Variants in LUC7L2 observed in about 807,000 individuals in gnomAD.
The protein encoded by LUC7L2 is LUC7 like 2, pre-mRNA splicing factor.
LUC7L2 carries 25 observed loss-of-function variants against 52.8 expected under a neutral mutation model. That is an observed-to-expected ratio of 0.47 (90% CI 0.34 to 0.66). The LOEUF is 0.66. LUC7L2 is among the 30% of genes least tolerant of loss of function. The probability of loss-of-function intolerance (pLI) is 0.01; values close to 1 mark genes in which losing one functional copy is unlikely to be tolerated. For missense variants in LUC7L2, 328 were observed against 497.8 expected (o/e 0.66, Z 3.25); for synonymous variants, 144 against 160.9 (o/e 0.89, Z 0.80).
Position 139,417,656 on chromosome 7 carries a change from C to A in LUC7L2, c.928C>A (p.Arg310Ser). The A allele has an allele frequency of 2.5e-6, 4 of 1,613,928 alleles. 1 individual carries two copies. The highest frequency in any genetic ancestry group is 3.4e-6 in the Non-Finnish European group (4 of 1,179,918). ...RHRHRSRSSS[R>S]SRSRSHQRSR... ...TCGCCACAGGTCCCGCTCCAGCAGC[C>A]GTAGCCGCAGCCGTAGCCACCAGAG... is the stretch of plus-strand genomic sequence containing the variant. The change falls in exon 9 of 10, where the codon CGT becomes AGT. Residue 310 changes from arginine to serine, a missense_variant. Transcript: ENST00000354926.
rs759342353 is a variant in LUC7L2 at position 139,417,650 on chromosome 7, AGCAGCCGTAGCC to A, written c.935_946del (p.Arg312_Ser315del). On this transcript the variant is annotated inframe_deletion, in exon 9 of 10. Transcript: ENST00000354926. ...ACGCCATCGCCACAGGTCCCGCTCC[AGCAGCCGTAGCC>A]GCAGCCGTAGCCACCAGAGAAGTCG... 4.1e-5 allele frequency: 66 copies of A among 1,614,102 alleles called. No homozygotes were observed. The highest frequency in any genetic ancestry group is 6.7e-5 in the African/African-American group (5 of 74,948).
chr7:139,361,347 G>A (rs1317170046), intron 1 of LUC7L2, among the ~76,000 whole-genome samples: 1 of 152,214 alleles, frequency 6.6e-6, no homozygotes, highest in East Asian at 1.9e-4. Context: ...TTTTTTTCTT[G>A]AGAAGTTATT....
upstream of LUC7L2, chr7:139,359,871 G>C (rs553755071): frequency 6.8e-5 from 28 of 409,256 alleles, no homozygotes; most frequent in Admixed American, 8.3e-4. Context: ...CGCGGGAAAC[G>C]ACTGAGCGCG....
At chr7:139,340,564 A>C in intron 1 of LUC7L2, 1 of 397,960 alleles carries the variant, frequency 2.5e-6, no homozygotes, top group Non-Finnish European at 4.4e-6. Context: ...TCTAACTACA[A>C]CTCCCAGCAT....
At chr7:139,380,420 A>G (rs1800949589) in intron 2 of LUC7L2, among the ~76,000 whole-genome samples, 1 of 151,888 alleles carries the variant, frequency 6.6e-6, no homozygotes, top group Non-Finnish European at 1.5e-5. Flanking sequence ...CAACATGTTG[A>G]AATCCTGTCT....
chr7:139,413,223 A>T (rs927953858), intron 8 of LUC7L2, among the ~76,000 whole-genome samples: 1 of 152,096 alleles, frequency 6.6e-6, no homozygotes, highest in African/African-American at 2.4e-5. Flanking sequence ...TTGCTGATAC[A>T]TTTTTTTGTC....
intron 4 of LUC7L2, among the ~76,000 whole-genome samples, chr7:139,403,821 C>T (rs1795013415): frequency 6.6e-6 from 1 of 152,216 alleles, no homozygotes; most frequent in Non-Finnish European, 1.5e-5. Context: ...GGATGCAGAG[C>T]CATGCCCAGC....
chr7:139,407,001 G>GTTTTTTT (rs58914782), intron 5 of LUC7L2, among the ~76,000 whole-genome samples, 173 bp from the exon 6 acceptor site: 14 of 110,438 alleles, frequency 1.3e-4, no homozygotes, highest in African/African-American at 2.4e-4. Flanking sequence ...TGCTTTTGTG[G>GTTTTTTT]TTTTTTTTTT....
chr7:139,389,774 T>G (rs924067080), intron 2 of LUC7L2, among the ~76,000 whole-genome samples: 3 of 152,188 alleles, frequency 2.0e-5, no homozygotes, highest in African/African-American at 7.2e-5. Flanking sequence ...GTTACAATGA[T>G]CAAGAAAGAC....
Position 139,360,319 on chromosome 7 carries a change from G to A in LUC7L2, c.58G>A (p.Asp20Asn), listed in dbSNP as rs1371357440. The change falls in exon 1 of 10, where the codon GAC becomes AAC. Residue 20 changes from aspartate to asparagine, a missense_variant. Asp to Asn is a conservative substitution (Grantham distance 23). Coordinates refer to ENST00000354926, the MANE Select transcript of LUC7L2 (RefSeq NM_016019.5). The stretch of plus-strand genomic sequence containing the variant: ...GGACCAGTTGATGGGCACCTCCCGG[G>A]ACGGTAAGTCTCTGCCAGGGCCCTG... ...MLDQLMGTSR[D>N]GDTTRQRIKF... The A allele has an allele frequency of 1.0e-5, 16 of 1,567,592 alleles. No individual in the cohort carries two copies. The highest frequency in any genetic ancestry group is 1.4e-5 in the Non-Finnish European group (16 of 1,157,150).
intron 4 of LUC7L2, among the ~76,000 whole-genome samples, chr7:139,404,490 C>A (rs985863324): frequency 6.6e-6 from 1 of 152,176 alleles, no homozygotes; most frequent in East Asian, 1.9e-4. Flanking sequence ...GCCTGGGCGA[C>A]AGAGCAAGAC....
At chr7:139,341,832 G>T (rs1294739696) in intron 1 of LUC7L2, among the ~76,000 whole-genome samples, 1 of 152,210 alleles carries the variant, frequency 6.6e-6, no homozygotes, top group African/African-American at 2.4e-5. Context: ...TCAGGAAAGT[G>T]GAATGGAGGA....
chr7:139,374,321 T>G, intron 1 of LUC7L2: 1 of 1,024,218 alleles, frequency 9.8e-7, no homozygotes, highest in Non-Finnish European at 1.5e-6. Flanking sequence ...AACATGTACT[T>G]CTAGATGCTG....
chr7:139,363,896 A>C (rs1008286816), intron 1 of LUC7L2, among the ~76,000 whole-genome samples: 1 of 151,696 alleles, frequency 6.6e-6, no homozygotes, highest in Non-Finnish European at 1.5e-5. Context: ...ATAAGTCTCT[A>C]GTCTTGATCC....
chr7:139,403,560 T>C (rs1795003507), intron 4 of LUC7L2, among the ~76,000 whole-genome samples: 2 of 152,170 alleles, frequency 1.3e-5, no homozygotes, highest in South Asian at 4.1e-4. Context: ...ACGGGCATCC[T>C]GAAGTACAAA....
At chr7:139,386,563 C>T (rs1794204353) in intron 2 of LUC7L2, among the ~76,000 whole-genome samples, 1 of 149,968 alleles carries the variant, frequency 6.7e-6, no homozygotes, top group African/African-American at 2.5e-5. Context: ...TGCCACCACA[C>T]CTGGCTAATT....
Position 139,422,321 on chromosome 7 carries a change from G to A in LUC7L2, c.1160G>A (p.Arg387His), listed in dbSNP as rs376180116. 8.6e-5 allele frequency: 139 copies of A among 1,612,314 alleles called. No individual in the cohort carries two copies. Among genetic ancestry groups the A allele is most frequent in the Admixed American group, 4.7e-4 (28 of 59,430 alleles). The change falls in exon 10 of 10, where the codon CGC becomes CAC. Residue 387 changes from arginine to histidine, a missense_variant. Around this residue, in one of 2 missense-constraint regions of LUC7L2, gnomAD observed 195 missense variants for 223.3 expected, o/e 0.87. Transcript: ENST00000354926. The part of the protein sequence containing the change: ...RSEDRRSSEE[R>H]EAGEI ...GAAGACAGGAGGAGCTCTGAAGAGC[G>A]CGAAGCAGGGGAGATCTAACTAGCT...
intron 1 of LUC7L2, chr7:139,345,537 C>T: frequency 6.2e-7 from 1 of 1,614,188 alleles, no homozygotes; most frequent in Middle Eastern, 1.6e-4. Flanking sequence ...CCAACATGAG[C>T]TTCATTTCCA....
At chr7:139,359,888 G>T, upstream of LUC7L2, 1 of 414,616 alleles carries the variant, frequency 2.4e-6, no homozygotes, top group Non-Finnish European at 4.3e-6. Context: ...CGCGAGGAGC[G>T]TGCGCGCTCC....
Sources: allele counts gnomAD v4.1 joint callset (sites outside exome capture counted in the v4.1 genomes callset), GRCh38; gene constraint gnomAD v4.1.1; regional missense constraint gnomAD v4.1.1; transcripts MANE v1.5; gene names NCBI Gene and HGNC (gene_info 2026-07-23, HGNC 2026-07-21).